CXADR: variants seen among roughly 807,000 people sequenced by gnomAD.
The protein encoded by CXADR is coxsackievirus and adenovirus receptor.
In CXADR, 20 loss-of-function variants were observed where a neutral mutation model predicts 40.3. The ratio of observed to expected loss-of-function variants is 0.50; its 90% CI spans 0.35 to 0.72. The LOEUF (loss-of-function observed/expected upper bound fraction) is 0.72, where lower values mean the gene tolerates loss of function less well. Among genes scored for constraint, CXADR ranks in the 30% least tolerant of loss-of-function variants. CXADR has a pLI of 0.01. For missense variants in CXADR, 332 were observed against 449.1 expected (o/e 0.74, Z 2.36); for synonymous variants, 150 against 161.3 (o/e 0.93, Z 0.53).
At chr21:17,592,076 G>A (rs987875475) in intron 7 of CXADR, among the ~76,000 whole-genome samples, 34 of 151,964 alleles carry the variant, frequency 2.2e-4, no homozygotes, top group Admixed American at 3.3e-4. Context: ...TTCAAAACTA[G>A]TGGTTTCCCC....
At chr21:17,542,762 C>G (rs1439995711) in intron 1 of CXADR, among the ~76,000 whole-genome samples, 1 of 152,162 alleles carries the variant, frequency 6.6e-6, no homozygotes, top group East Asian at 1.9e-4. Flanking sequence ...TTTGATTTAC[C>G]TTTTAAACCG....
the CXADR span, among the ~76,000 whole-genome samples, chr21:17,610,686 T>C: frequency 6.6e-6 from 1 of 152,246 alleles, no homozygotes; most frequent in African/African-American, 2.4e-5. Context: ...ATTAAGATGC[T>C]GCCTTTAGTA....
At chr21:17,606,027 T>C in the CXADR span, among the ~76,000 whole-genome samples, 1 of 152,182 alleles carries the variant, frequency 6.6e-6, no homozygotes, top group African/African-American at 2.4e-5. Context: ...TATTAGTTGG[T>C]TTTAATTTCT....
the CXADR span, among the ~76,000 whole-genome samples, chr21:17,608,329 T>C: frequency 2.0e-5 from 3 of 151,302 alleles, no homozygotes; most frequent in Non-Finnish European, 2.9e-5. Context: ...GCTATGGTTA[T>C]ACCACTGCAC....
the CXADR span, among the ~76,000 whole-genome samples, chr21:17,623,419 GA>G: frequency 7.8e-3 from 1,171 of 150,080 alleles, 19 homozygotes; most frequent in African/African-American, 0.027. Context: ...TCACAAATCA[GA>G]AAAAAAAAAT....
At chr21:17,525,027 G>A (rs2060581871) in intron 1 of CXADR, among the ~76,000 whole-genome samples, 1 of 152,040 alleles carries the variant, frequency 6.6e-6, no homozygotes, top group Non-Finnish European at 1.5e-5. Flanking sequence ...TTGATCTATT[G>A]ATAAAAAAAG....
At chr21:17,572,482 C>T (rs969167031), downstream of CXADR, among the ~76,000 whole-genome samples, 1 of 152,094 alleles carries the variant, frequency 6.6e-6, no homozygotes, top group African/African-American at 2.4e-5. Flanking sequence ...ATGGGGTTAC[C>T]TGACTCAGTA....
rs2061225725 is a variant in CXADR at position 17,567,513 on chromosome 21, C to A, written c.*1821C>A. 1.0e-6 allele frequency: 1 copy of A among 985,282 alleles called. No homozygotes were observed. The highest frequency in any genetic ancestry group is 1.7e-5 in the African/African-American group (1 of 57,232). The allele number at this position is 985,282 out of a possible 1,614,324, so 61.0% of individuals were successfully genotyped here. Reference sequence around the variant, plus strand: ...GGTGAAGGTACTGTTTCTAAAAACACATCACTGTGATACCTTTCTATCCTC... The same window carrying A: ...GGTGAAGGTACTGTTTCTAAAAACAAATCACTGTGATACCTTTCTATCCTC... On this transcript the variant is annotated 3_prime_UTR_variant, in exon 7 of 7. Coordinates refer to ENST00000284878, the MANE Select transcript of CXADR (RefSeq NM_001338.5).
At chr21:17,584,275 C>T (rs764950932) in intron 7 of CXADR, among the ~76,000 whole-genome samples, 9 of 152,174 alleles carry the variant, frequency 5.9e-5, no homozygotes, top group Non-Finnish European at 1.0e-4. Flanking sequence ...CAGCGTTTGG[C>T]TGGTATGAAG....
At chr21:17,599,760 G>GT in the CXADR span, among the ~76,000 whole-genome samples, 2 of 152,288 alleles carry the variant, frequency 1.3e-5, no homozygotes, top group Admixed American at 1.3e-4. Flanking sequence ...GTTTATAGGC[G>GT]TGAGCCATCA....
chr21:17,596,344 T>C (rs2061503623), downstream of CXADR, among the ~76,000 whole-genome samples: 1 of 152,068 alleles, frequency 6.6e-6, no homozygotes, highest in Non-Finnish European at 1.5e-5. Context: ...TGTGACCCTC[T>C]AGAGGAAATA....
intron 1 of CXADR, among the ~76,000 whole-genome samples, chr21:17,546,715 G>A (rs573180259): frequency 1.3e-5 from 2 of 152,254 alleles, no homozygotes; most frequent in African/African-American, 4.8e-5. Flanking sequence ...AGAGATTCTA[G>A]CCAAATTCAG....
At chr21:17,591,527 T>G (rs535562549) in intron 7 of CXADR, among the ~76,000 whole-genome samples, 1 of 152,012 alleles carries the variant, frequency 6.6e-6, no homozygotes, top group Non-Finnish European at 1.5e-5. Context: ...AAAAGTTAAA[T>G]ACTTTGAGAT....
In CXADR at chr21:17,569,407, G is replaced by C. The variant is rs1250628012; in HGVS notation, c.*3715G>C. 2.0e-6 allele frequency: 2 copies of C among 984,582 alleles called. No individual in the cohort carries two copies. The highest frequency in any genetic ancestry group is 3.5e-5 in the African/African-American group (2 of 57,078). The allele number at this position is 984,582 out of a possible 1,614,324, so 61.0% of individuals were successfully genotyped here. ...ACATATATCTTTATAACATTCCTGT[G>C]TTTAGTAGTGTAAATGTTCTGGGCA... On this transcript the variant is annotated 3_prime_UTR_variant, in exon 7 of 7. Transcript: ENST00000284878.
intron 1 of CXADR, among the ~76,000 whole-genome samples, chr21:17,539,615 C>G (rs1569099857): frequency 6.6e-6 from 1 of 152,174 alleles, no homozygotes; most frequent in Non-Finnish European, 1.5e-5. Flanking sequence ...TTGTAAGGAT[C>G]AGATGAAATA....
intron 3 of CXADR, among the ~76,000 whole-genome samples, chr21:17,555,494 A>C (rs1486945286): frequency 6.6e-6 from 1 of 152,242 alleles, no homozygotes; most frequent in East Asian, 1.9e-4. Flanking sequence ...TATTATAATT[A>C]TCAAAACCAG....
chr21:17,550,281 G>T (rs1222240936), intron 2 of CXADR, among the ~76,000 whole-genome samples: 2 of 151,652 alleles, frequency 1.3e-5, no homozygotes, highest in Non-Finnish European at 2.9e-5. Flanking sequence ...TTTAACCCAG[G>T]AGGTGGAGGT....
chr21:17,560,919 A>G (rs765649987), intron 5 of CXADR, 95 bp downstream of exon 5: 49 of 1,518,462 alleles, frequency 3.2e-5, no homozygotes, highest in Non-Finnish European at 2.4e-5. Context: ...GGACAAAGGG[A>G]CACTGACTTT....
At chr21:17,517,527 C>T (rs559080432) in intron 1 of CXADR, among the ~76,000 whole-genome samples, 3 of 152,132 alleles carry the variant, frequency 2.0e-5, no homozygotes, top group African/African-American at 4.8e-5. Flanking sequence ...AAGCACATTC[C>T]CAATTTCAAC....
Sources: allele counts gnomAD v4.1 joint callset (sites outside exome capture counted in the v4.1 genomes callset), GRCh38; gene constraint gnomAD v4.1.1; transcripts MANE v1.5; gene names NCBI Gene and HGNC (gene_info 2026-07-23, HGNC 2026-07-21).